The following SULT1B1 variants were observed in gnomAD, a reference collection of about 807,000 sequenced individuals.
The protein encoded by SULT1B1 is sulfotransferase family 1B member 1.
Under a neutral mutation model 34.6 loss-of-function variants are expected in SULT1B1, and 28 were observed. That is an observed-to-expected ratio of 0.81 (90% CI 0.60 to 1.11). The LOEUF is 1.11. Ranked by LOEUF, SULT1B1 falls within the 50% of genes least tolerant of loss-of-function variation. SULT1B1 has a pLI of 0.00. For synonymous variants in SULT1B1, 147 were observed against 110.2 expected, an observed-to-expected ratio of 1.33 and a Z score of -2.09; for missense variants, 374 against 352.2, an observed-to-expected ratio of 1.06 and a Z score of -0.50.
At chr4:69,754,543 A>G (rs1578068692) in intron 3 of SULT1B1, 127 bp downstream of exon 3, 3 of 881,750 alleles carry the variant, frequency 3.4e-6, no homozygotes, top group East Asian at 2.6e-5. Context: ...TCAGTTTTAT[A>G]TTGTTTGCCA....
intron 1 of SULT1B1, among the ~76,000 whole-genome samples, chr4:69,755,603 C>G (rs1013531895): frequency 6.6e-6 from 1 of 152,210 alleles, no homozygotes; most frequent in African/African-American, 2.4e-5. Flanking sequence ...AAGACTTCAG[C>G]TACACGTCAT....
chr4:69,740,483 A>G (rs1718503562), intron 4 of SULT1B1, among the ~76,000 whole-genome samples: 1 of 152,202 alleles, frequency 6.6e-6, no homozygotes, highest in African/African-American at 2.4e-5. Flanking sequence ...AACCAACCCA[A>G]TGATTCAATT....
intron 7 of SULT1B1, 69 bp from the exon 8 acceptor site, chr4:69,727,269 A>G (rs369541346): frequency 2.4e-6 from 3 of 1,224,984 alleles, no homozygotes; most frequent in East Asian, 2.7e-5. Context: ...TATATACCAA[A>G]GGAAAAGATT....
At chr4:69,759,465 G>A (rs370730344) in intron 1 of SULT1B1, among the ~76,000 whole-genome samples, 1 of 152,190 alleles carries the variant, frequency 6.6e-6, no homozygotes, top group African/African-American at 2.4e-5. Flanking sequence ...GGAGAAGGAT[G>A]GAATGAGTAG....
intron 6 of SULT1B1, among the ~76,000 whole-genome samples, chr4:69,732,628 T>C (rs1159815692): frequency 2.0e-5 from 3 of 151,806 alleles, no homozygotes; most frequent in Admixed American, 2.0e-4. Context: ...TTCAACATGT[T>C]TACCTGTTGT....
At chr4:69,729,106 A>G (rs1327500232) in intron 7 of SULT1B1, among the ~76,000 whole-genome samples, 1 of 152,078 alleles carries the variant, frequency 6.6e-6, no homozygotes, top group South Asian at 2.1e-4. Context: ...ATTTCTGGGA[A>G]ATTATATTCA....
intron 4 of SULT1B1, among the ~76,000 whole-genome samples, chr4:69,743,815 A>G (rs564058152): frequency 1.2e-4 from 19 of 152,182 alleles, no homozygotes; most frequent in Non-Finnish European, 2.6e-4. Flanking sequence ...GTGTTCCGCG[A>G]GCGGGTAGTG....
intron 5 of SULT1B1, 36 bp from the exon 6 acceptor site, chr4:69,733,543 C>A: frequency 7.0e-7 from 1 of 1,430,730 alleles, no homozygotes; most frequent in South Asian, 1.3e-5. Context: ...CATAAACATT[C>A]ATCAAATTAA....
At chr4:69,730,773 ACT>A in intron 6 of SULT1B1, 92 bp from the exon 7 acceptor site, 1 of 1,139,164 alleles carries the variant, frequency 8.8e-7, no homozygotes, top group Non-Finnish European at 1.2e-6. Flanking sequence ...TTAAATGTTG[ACT>A]CTGAATAGTA....
At chr4:69,742,840 C>T (rs1161615030) in intron 4 of SULT1B1, among the ~76,000 whole-genome samples, 4 of 152,344 alleles carry the variant, frequency 2.6e-5, no homozygotes, top group South Asian at 2.1e-4. Flanking sequence ...CTGCCAGCTG[C>T]GGTGCGGTGG....
chr4:69,739,959 G>A (rs1324402382), intron 4 of SULT1B1, among the ~76,000 whole-genome samples: 2 of 152,120 alleles, frequency 1.3e-5, no homozygotes, highest in Non-Finnish European at 2.9e-5. Context: ...GGACTTCATT[G>A]TACATATCAC....
At position 69,721,963 on chromosome 4, in the gene SULT1B1, G is replaced by A. The variant is rs549187268; in HGVS notation, c.*5125C>T. The A allele has an allele frequency of 2.0e-5, 3 of 152,132 alleles. No homozygotes were observed. Among genetic ancestry groups the A allele is most frequent in the South Asian group, 4.1e-4 (2 of 4,834 alleles). The allele number at this position is 152,132 out of a possible 1,614,324, so 9.4% of individuals were successfully genotyped here. A position where few individuals can be genotyped will look rare whatever the true frequency, so the allele number is the denominator to read the frequency against. ...TTCAACAGGAGAAATAACGATAAAA[G>A]CATTGTTTTAGAAAAATTAATTTTG... On this transcript the variant is annotated 3_prime_UTR_variant, in exon 8 of 8. Coordinates refer to ENST00000310613, the MANE Select transcript of SULT1B1 (RefSeq NM_014465.4).
chr4:69,750,775 C>A (rs764087876), intron 3 of SULT1B1, among the ~76,000 whole-genome samples: 16 of 152,164 alleles, frequency 1.1e-4, no homozygotes, highest in Non-Finnish European at 2.1e-4. Context: ...TCCCCAACCT[C>A]ACTCCTAAAC....
chr4:69,755,107 TCTGCTATGGAA>T lies in SULT1B1; in HGVS notation c.100_110del (p.Phe34ThrfsTer3). On this transcript the variant is annotated frameshift_variant, in exon 2 of 8. Transcript: ENST00000310613. LOFTEE classifies it high-confidence loss of function. ...AAGTGGCTATCACAATGTCATCTGG[TCTGCTATGGAA>T]CTGTTCAATTTTTTCCCAGTTGCTT... The T allele has an allele frequency of 6.2e-7, 1 of 1,613,770 alleles. No homozygotes were observed. Among genetic ancestry groups the T allele is most frequent in the Non-Finnish European group, 8.5e-7 (1 of 1,179,714 alleles).
At chr4:69,736,518 A>G (rs896125445) in intron 4 of SULT1B1, among the ~76,000 whole-genome samples, 8 of 152,206 alleles carry the variant, frequency 5.3e-5, no homozygotes, top group African/African-American at 1.9e-4. Context: ...CGACAGTGGG[A>G]TAAGGTACCA....
chr4:69,729,271 A>G (rs542278068), intron 7 of SULT1B1, among the ~76,000 whole-genome samples: 27 of 152,152 alleles, frequency 1.8e-4, no homozygotes, highest in African/African-American at 6.3e-4. Context: ...GTTTTTTTCC[A>G]ACTAAAAGCA....
chr4:69,729,996 T>C (rs1203064554), intron 7 of SULT1B1, among the ~76,000 whole-genome samples: 1 of 152,110 alleles, frequency 6.6e-6, no homozygotes, highest in Non-Finnish European at 1.5e-5. Flanking sequence ...TTACTAATAG[T>C]TTAGACAGTA....
chr4:69,758,497 G>A (rs1273725902), intron 1 of SULT1B1: 4 of 983,972 alleles, frequency 4.1e-6, no homozygotes, highest in Non-Finnish European at 4.8e-6. Context: ...TATCTAAAGG[G>A]AAATATCAAT....
chr4:69,732,522 G>A (rs1718121126), intron 6 of SULT1B1, among the ~76,000 whole-genome samples: 1 of 151,990 alleles, frequency 6.6e-6, no homozygotes, highest in African/African-American at 2.4e-5. Context: ...TAAGTACTGG[G>A]ATGTAGTTAC....
Sources: gnomAD v4.1 joint callset for allele counts (sites outside exome capture counted in the v4.1 genomes callset) on GRCh38, gnomAD v4.1.1 for gene constraint, MANE v1.5 for transcripts, NCBI Gene and HGNC (gene_info 2026-07-23, HGNC 2026-07-21) for gene names.